The following GALNT7 variants were observed in gnomAD, a reference collection of about 807,000 sequenced individuals.
GALNT7 encodes N-acetylgalactosaminyltransferase 7.
A neutral mutation model predicts 82.1 loss-of-function variants in GALNT7; 60 were observed. That is an observed-to-expected ratio of 0.73 (90% CI 0.59 to 0.91). GALNT7 has a LOEUF of 0.91. GALNT7 is among the 40% of genes least tolerant of loss of function. The pLI is 0.00. For synonymous variants in GALNT7, 243 were observed against 275.1 expected (o/e 0.88, Z 1.15); for missense variants, 660 against 804.2 (o/e 0.82, Z 2.17).
intron 1 of GALNT7, among the ~76,000 whole-genome samples, chr4:173,189,358 C>T (rs1298860811): frequency 6.6e-6 from 1 of 152,174 alleles, no homozygotes; most frequent in East Asian, 1.9e-4. Context: ...GAAACCCCAA[C>T]GTTAAGTGGT....
intron 2 of GALNT7, among the ~76,000 whole-genome samples, chr4:173,268,831 A>G (rs761294468): frequency 2.6e-5 from 4 of 151,508 alleles, no homozygotes; most frequent in Admixed American, 6.6e-5. Context: ...GAGCCACCGC[A>G]CCCGGACACT....
chr4:173,170,126 C>G (rs941694670), intron 1 of GALNT7, among the ~76,000 whole-genome samples: 1 of 152,168 alleles, frequency 6.6e-6, no homozygotes, highest in South Asian at 2.1e-4. Flanking sequence ...CCGACCCTGA[C>G]CTGCTTCCCC....
intron 1 of GALNT7, among the ~76,000 whole-genome samples, chr4:173,204,139 A>T (rs564841786): frequency 6.6e-6 from 1 of 151,948 alleles, no homozygotes; most frequent in East Asian, 1.9e-4. Flanking sequence ...CTCTTTCAGC[A>T]CTCTGAATGT....
intron 1 of GALNT7, among the ~76,000 whole-genome samples, chr4:173,172,956 C>T (rs1376023664): frequency 6.6e-6 from 1 of 152,050 alleles, no homozygotes; most frequent in African/African-American, 2.4e-5. Context: ...TGGCTGCCTA[C>T]AGAAAGTATG....
At chr4:173,270,607 A>G (rs1017842165) in intron 2 of GALNT7, among the ~76,000 whole-genome samples, 116 of 152,218 alleles carry the variant, frequency 7.6e-4, no homozygotes, top group African/African-American at 2.7e-3. Context: ...TTTTTCATCA[A>G]AAGATATAAT....
At chr4:173,212,280 T>C (rs986417329) in intron 1 of GALNT7, among the ~76,000 whole-genome samples, 3 of 152,224 alleles carry the variant, frequency 2.0e-5, no homozygotes, top group African/African-American at 7.2e-5. Flanking sequence ...TTCATAGTTC[T>C]TTAATCCGTA....
intron 2 of GALNT7, among the ~76,000 whole-genome samples, chr4:173,250,427 C>T (rs1358759563): frequency 1.3e-5 from 2 of 152,112 alleles, no homozygotes; most frequent in African/African-American, 2.4e-5. Flanking sequence ...TTAGAGACAT[C>T]CTCTGTGCCT....
intron 2 of GALNT7, among the ~76,000 whole-genome samples, chr4:173,289,921 T>C (rs1332411126): frequency 4.6e-5 from 7 of 152,206 alleles, no homozygotes; most frequent in Non-Finnish European, 1.0e-4. Context: ...GCCTCAGTTC[T>C]AGAGGGTATC....
At chr4:173,174,692 A>G (rs1050487926) in intron 1 of GALNT7, among the ~76,000 whole-genome samples, 6 of 152,080 alleles carry the variant, frequency 3.9e-5, no homozygotes, top group East Asian at 1.9e-4. Flanking sequence ...TGCTCTCACA[A>G]TCTAGTTGGG....
intron 8 of GALNT7, among the ~76,000 whole-genome samples, chr4:173,308,512 G>A (rs966046935): frequency 5.3e-5 from 8 of 152,072 alleles, no homozygotes; most frequent in Non-Finnish European, 1.5e-5. Flanking sequence ...GCTTACAAAA[G>A]ATTAATATCT....
intron 1 of GALNT7, among the ~76,000 whole-genome samples, chr4:173,239,946 A>G (rs1336179586): frequency 1.3e-5 from 2 of 152,186 alleles, no homozygotes; most frequent in African/African-American, 4.8e-5. Flanking sequence ...TTCTGAGTAA[A>G]TATAACGGAT....
At chr4:173,317,770 T>C (rs897136551) in intron 10 of GALNT7, 38 bp downstream of exon 10, 10 of 1,208,750 alleles carry the variant, frequency 8.3e-6, no homozygotes, top group African/African-American at 3.0e-5. Flanking sequence ...TTGTTCCGTA[T>C]TGAGGGCCAT....
intron 8 of GALNT7, among the ~76,000 whole-genome samples, chr4:173,313,582 A>AAAAAG (rs1310056089): frequency 6.6e-6 from 1 of 151,648 alleles, no homozygotes; most frequent in Non-Finnish European, 1.5e-5. Context: ...AAAAAAAAAA[A>AAAAAG]AAAAGAAAAG....
chr4:173,254,797 T>C (rs1007983169), intron 2 of GALNT7, among the ~76,000 whole-genome samples: 1 of 152,226 alleles, frequency 6.6e-6, no homozygotes, highest in African/African-American at 2.4e-5. Context: ...AGAAAACACA[T>C]TTGAAAGTGG....
At chr4:173,194,324 G>T (rs914784528) in intron 1 of GALNT7, among the ~76,000 whole-genome samples, 19 of 152,240 alleles carry the variant, frequency 1.2e-4, no homozygotes, top group Admixed American at 1.0e-3. Flanking sequence ...TAAATTTAAA[G>T]AAGGCAATTT....
chr4:173,183,741 GC>G (rs1212960729), intron 1 of GALNT7, among the ~76,000 whole-genome samples: 1 of 141,298 alleles, frequency 7.1e-6, no homozygotes, highest in East Asian at 2.2e-4. Flanking sequence ...GGCGGGGTCT[GC>G]CCCCCACCTC....
chr4:173,188,369 GT>G (rs1475307677), intron 1 of GALNT7, among the ~76,000 whole-genome samples: 1 of 152,156 alleles, frequency 6.6e-6, no homozygotes, highest in African/African-American at 2.4e-5. Flanking sequence ...GAACCAAGGT[GT>G]ATTATCAGGC....
At chr4:173,239,731 G>C (rs1256330218) in intron 1 of GALNT7, among the ~76,000 whole-genome samples, 1 of 152,156 alleles carries the variant, frequency 6.6e-6, no homozygotes, top group East Asian at 1.9e-4. Flanking sequence ...GAAGGGTTTT[G>C]TATGAAATCT....
chr4:173,191,465 G>A (rs749933031), intron 1 of GALNT7, among the ~76,000 whole-genome samples: 3 of 152,194 alleles, frequency 2.0e-5, no homozygotes, highest in Non-Finnish European at 4.4e-5. Context: ...TTTTTGCTAA[G>A]TTCTAGAGCC....
Sources: gnomAD v4.1 joint callset for allele counts (sites outside exome capture counted in the v4.1 genomes callset) on GRCh38, gnomAD v4.1.1 for gene constraint, MANE v1.5 for transcripts, NCBI Gene and HGNC (gene_info 2026-07-23, HGNC 2026-07-21) for gene names.